SRGAP3: variants seen among roughly 807,000 people sequenced by gnomAD.
SRGAP3 encodes SLIT-ROBO Rho GTPase-activating protein 3.
SRGAP3 carries 39 observed loss-of-function variants against 121.1 expected under a neutral mutation model. That is an observed-to-expected ratio of 0.32 (90% confidence interval 0.25 to 0.42). The LOEUF is 0.42. SRGAP3 is among the 10% of genes least tolerant of loss of function. SRGAP3 has a pLI of 1.00. For synonymous variants in SRGAP3, 601 were observed against 570.0 expected (o/e 1.05, Z -0.77); for missense variants, 1,213 against 1,470.6 (o/e 0.82, Z 2.86).
At chr3:9,198,783 G>T (rs896500245) in intron 1 of SRGAP3, among the ~76,000 whole-genome samples, 2 of 152,170 alleles carry the variant, frequency 1.3e-5, no homozygotes, top group Non-Finnish European at 2.9e-5. Context: ...GGCTAGGACT[G>T]TCCTTTCTTC....
chr3:9,072,653 C>A (rs2664091), intron 4 of SRGAP3, among the ~76,000 whole-genome samples: 24,212 of 152,236 alleles, frequency 0.16, 2,466 homozygotes, highest in Admixed American at 0.26. Flanking sequence ...CGGCAGGAGC[C>A]TCAGTATTCC....
At chr3:9,202,777 C>T (rs1310329648) in intron 1 of SRGAP3, among the ~76,000 whole-genome samples, 1 of 152,266 alleles carries the variant, frequency 6.6e-6, no homozygotes, top group African/African-American at 2.4e-5. Context: ...TGCTGGAGTC[C>T]ATGCCCCATG....
rs528716710 is a variant in SRGAP3, at chr3:9,210,688, G to T, written c.67+38197C>A. 2.6e-5 allele frequency among the ~76,000 whole-genome samples: 4 copies of T among 152,126 alleles called. No individual in the cohort carries two copies. The South Asian group carries it at 8.3e-4, about 32-fold the overall frequency. ...AAAAATACAAAAAATAAATTAGCCA[G>T]GGGTGGTGGCGCATGCCTATAGTCC... On this transcript the variant is annotated intron_variant, in intron 1 of 21. Transcript: ENST00000383836.
intron 4 of SRGAP3, among the ~76,000 whole-genome samples, chr3:9,069,424 G>A (rs529721026): frequency 3.6e-4 from 55 of 152,288 alleles, no homozygotes; most frequent in Middle Eastern, 3.4e-3. Flanking sequence ...TCCTGAACTG[G>A]GGATGTCTGA....
Position 9,008,961 on chromosome 3 carries a change from C to T in SRGAP3, c.2227+1347G>A, listed in dbSNP as rs149327474. Among the ~76,000 whole-genome samples the T allele has an allele frequency of 2.7e-3, 417 of 152,190 alleles. 1 individual carries two copies. Among genetic ancestry groups the T allele is most frequent in the African/African-American group, 8.9e-3 (369 of 41,506 alleles). On this transcript the variant is annotated intron_variant, in intron 18 of 21. Coordinates refer to ENST00000383836, the MANE Select transcript of SRGAP3 (RefSeq NM_014850.4). ...CTGGAATTGCCAGAGACCACTGCAC[C>T]GGAAGATCCTACACGAGAATGAAAC...
chr3:9,166,912 C>A (rs1015567958), intron 1 of SRGAP3, among the ~76,000 whole-genome samples: 7 of 152,162 alleles, frequency 4.6e-5, no homozygotes, highest in Admixed American at 6.5e-5. Context: ...TATGGCCCCA[C>A]CCTGACCTTG....
At position 8,983,740 on chromosome 3, in the gene SRGAP3, A is replaced by G; in HGVS notation, c.*1779T>C. On this transcript the variant is annotated 3_prime_UTR_variant, in exon 22 of 22. Transcript: ENST00000383836. Reference sequence around the variant, plus strand: ...ATTGATTCAGTGTTTTCCAGTGTACACAGCTTGCTCACTGATGTTTGACCT... The same window carrying G: ...ATTGATTCAGTGTTTTCCAGTGTACGCAGCTTGCTCACTGATGTTTGACCT... 1 of 230,638 alleles carries G rather than the reference A, an allele frequency of 4.3e-6. No homozygotes were observed. Among genetic ancestry groups the G allele is most frequent in the Non-Finnish European group, 8.6e-6 (1 of 116,452 alleles). The allele number at this position is 230,638 out of a possible 1,614,324, so 14.3% of individuals were successfully genotyped here. A position where few individuals can be genotyped will look rare whatever the true frequency, so the allele number is the denominator to read the frequency against.
intron 1 of SRGAP3, among the ~76,000 whole-genome samples, chr3:9,359,934 G>A (rs9855125): frequency 3.0e-4 from 46 of 152,274 alleles, no homozygotes; most frequent in African/African-American, 1.1e-3. Context: ...ACAAGTTGTT[G>A]TTTTTGTTGT....
Position 9,014,354 on chromosome 3 carries a change from T to A in SRGAP3, c.1814-512A>T, listed in dbSNP as rs1943529399. On this transcript the variant is annotated intron_variant, in intron 15 of 21. Transcript: ENST00000383836. ...TCCTGACAGACACAGGCAGGGACGA[T>A]GTTTTATTAAACTCTTTACAAACAC... 4.4e-5 allele frequency: 8 copies of A among 180,762 alleles called. No homozygotes were observed. The South Asian group carries it at 1.0e-3, about 23-fold the overall frequency. The allele number at this position is 180,762 out of a possible 1,614,324, so 11.2% of individuals were successfully genotyped here.
chr3:9,126,645 C>CTAACTAACTAACTAAA (rs1310035999), intron 1 of SRGAP3, among the ~76,000 whole-genome samples: 23 of 129,398 alleles, frequency 1.8e-4, no homozygotes, highest in African/African-American at 6.0e-4. Flanking sequence ...AACTAACTAA[C>CTAACTAACTAACTAAA]TAAATAAATA....
chr3:9,101,875 C>T (rs546202497), intron 3 of SRGAP3, among the ~76,000 whole-genome samples: 7 of 148,452 alleles, frequency 4.7e-5, no homozygotes, highest in Admixed American at 1.3e-4. Flanking sequence ...GCAAGGGCCA[C>T]GTGCAGGGGC....
At chr3:9,141,596 G>A (rs1478274834) in intron 1 of SRGAP3, among the ~76,000 whole-genome samples, 1 of 137,440 alleles carries the variant, frequency 7.3e-6, no homozygotes, top group African/African-American at 2.9e-5. Flanking sequence ...GTGTGTGTGT[G>A]TGTGTGTTCT....
intron 1 of SRGAP3, among the ~76,000 whole-genome samples, chr3:9,195,989 C>A (rs550345556): frequency 2.9e-4 from 44 of 152,086 alleles, no homozygotes; most frequent in African/African-American, 1.0e-3. Flanking sequence ...AGAACCCAAT[C>A]GAAAATACTT....
At chr3:9,010,437 C>T (rs1943305390) in intron 17 of SRGAP3, 50 bp from the exon 18 acceptor site, 2 of 1,607,398 alleles carry the variant, frequency 1.2e-6, no homozygotes, top group Non-Finnish European at 8.5e-7. Context: ...TATCTACCCT[C>T]ACAGCACCTT....
In SRGAP3 at chr3:8,981,843, C is replaced by T. The variant is rs1941432427; in HGVS notation, c.*3676G>A. The T allele has an allele frequency of 8.7e-6, 2 of 229,242 alleles. No homozygotes were observed. Among genetic ancestry groups the T allele is most frequent in the South Asian group, 3.6e-4 (2 of 5,490 alleles). The allele number at this position is 229,242 out of a possible 1,614,324, so 14.2% of individuals were successfully genotyped here. A position where few individuals can be genotyped will look rare whatever the true frequency, so the allele number is the denominator to read the frequency against. ...CTTGGGAATCCATCTCTCTCCTGAC[C>T]CCTGGCCTGGTGACTTCAGAGAAAA... On this transcript the variant is annotated 3_prime_UTR_variant, in exon 22 of 22. Transcript: ENST00000383836.
intron 12 of SRGAP3, among the ~76,000 whole-genome samples, chr3:9,031,421 G>A (rs1441561551): frequency 6.6e-6 from 1 of 152,084 alleles, no homozygotes; most frequent in Non-Finnish European, 1.5e-5. Context: ...GCATCCATGG[G>A]CCCTTCCTTT....
intron 1 of SRGAP3, among the ~76,000 whole-genome samples, chr3:9,215,194 C>G (rs1474208104): frequency 2.0e-5 from 3 of 152,176 alleles, no homozygotes; most frequent in Admixed American, 1.3e-4. Flanking sequence ...TCAGCTCTTC[C>G]CACTCCAGCC....
chr3:9,346,854 C>T (rs1366651573), intron 1 of SRGAP3, among the ~76,000 whole-genome samples: 1 of 149,204 alleles, frequency 6.7e-6, no homozygotes, highest in Non-Finnish European at 1.5e-5. Flanking sequence ...CTCCTGGGTT[C>T]AAGCAATTCT....
chr3:9,362,174 T>C (rs2030901334), intron 1 of SRGAP3, among the ~76,000 whole-genome samples: 1 of 139,098 alleles, frequency 7.2e-6, no homozygotes, highest in South Asian at 2.4e-4. Flanking sequence ...TTTTTTTTTT[T>C]TTTTTTTTTT....
Sources: allele counts gnomAD v4.1 joint callset (sites outside exome capture counted in the v4.1 genomes callset), GRCh38; gene constraint gnomAD v4.1.1; transcripts MANE v1.5; gene names NCBI Gene and HGNC (gene_info 2026-07-23, HGNC 2026-07-21).